The following CLPB variants were observed in gnomAD, a reference collection of about 807,000 sequenced individuals.
CLPB encodes the protein ClpB family mitochondrial disaggregase, also known as mitochondrial disaggregase.
Under a neutral mutation model 78.4 loss-of-function variants are expected in CLPB, and 40 were observed. That is an observed-to-expected ratio of 0.51 (90% CI 0.40 to 0.66). The LOEUF (loss-of-function observed/expected upper bound fraction) is 0.66, where lower values mean the gene tolerates loss of function less well. Ranked by LOEUF, CLPB falls within the 30% of genes least tolerant of loss-of-function variation. The pLI is 0.00. For synonymous variants in CLPB, 333 were observed against 348.0 expected, an observed-to-expected ratio of 0.96 and a Z score of 0.48; for missense variants, 780 against 886.9, an observed-to-expected ratio of 0.88 and a Z score of 1.53.
chr11:72,318,831 C>T (rs1032251753), intron 6 of CLPB, among the ~76,000 whole-genome samples: 5 of 152,212 alleles, frequency 3.3e-5, no homozygotes, highest in Admixed American at 3.3e-4. Flanking sequence ...CACTGTGCAG[C>T]TCCCTCAGGC....
intron 4 of CLPB, among the ~76,000 whole-genome samples, chr11:72,363,089 G>A (rs1418654037): frequency 6.6e-6 from 1 of 151,990 alleles, no homozygotes; most frequent in Non-Finnish European, 1.5e-5. Flanking sequence ...CAGGAAGGCA[G>A]AGGTTGCAGT....
Position 72,330,618 on chromosome 11 carries a change from T to C in CLPB, c.776-814A>G, listed in dbSNP as rs116332026. 7.2e-3 allele frequency among the ~76,000 whole-genome samples: 1,099 copies of C among 152,278 alleles called. 7 individuals carry two copies. The highest frequency in any genetic ancestry group is 0.026 in the African/African-American group (1,060 of 41,556). On this transcript the variant is annotated intron_variant, in intron 5 of 15. Coordinates refer to ENST00000538039, the MANE Select transcript of CLPB (RefSeq NM_001258392.3). The stretch of plus-strand genomic sequence containing the variant: ...CAAAGCCCATGTGTAAGCACCTCAC[T>C]CTCTTCTTCGAAAACCATCCATTCC...
At chr11:72,339,502 G>A (rs1477998648) in intron 5 of CLPB, among the ~76,000 whole-genome samples, 1 of 152,212 alleles carries the variant, frequency 6.6e-6, no homozygotes, top group Non-Finnish European at 1.5e-5. Context: ...GCAGCCTCAA[G>A]AGCAACTGAG....
intron 2 of CLPB, among the ~76,000 whole-genome samples, chr11:72,409,927 G>A (rs1855826611): frequency 6.6e-6 from 1 of 151,796 alleles, no homozygotes; most frequent in African/African-American, 2.4e-5. Flanking sequence ...CAGTGAGCCG[G>A]GATTGTGCCA....
At chr11:72,415,730 G>A (rs970617214) in intron 2 of CLPB, among the ~76,000 whole-genome samples, 1 of 152,160 alleles carries the variant, frequency 6.6e-6, no homozygotes, top group African/African-American at 2.4e-5. Context: ...AGGCTGGGCC[G>A]ATTACAAGCT....
chr11:72,365,384 A>G (rs949996929), intron 4 of CLPB, among the ~76,000 whole-genome samples: 1 of 152,240 alleles, frequency 6.6e-6, no homozygotes, highest in African/African-American at 2.4e-5. Flanking sequence ...ATGGAGACAG[A>G]AAGTAAATTA....
At chr11:72,322,790 G>A (rs1950066924) in intron 6 of CLPB, among the ~76,000 whole-genome samples, 1 of 152,202 alleles carries the variant, frequency 6.6e-6, no homozygotes, top group African/African-American at 2.4e-5. Context: ...AGTATCTTGT[G>A]GGGAGAGACT....
chr11:72,335,534 T>C (rs1332358831), intron 5 of CLPB, among the ~76,000 whole-genome samples: 1 of 152,146 alleles, frequency 6.6e-6, no homozygotes, highest in East Asian at 1.9e-4. Context: ...TCCATCTTGG[T>C]TCTGAAAACA....
intron 1 of CLPB, chr11:72,430,610 T>G (rs1033251480): frequency 2.0e-6 from 1 of 509,580 alleles, no homozygotes; most frequent in East Asian, 3.6e-5. Flanking sequence ...ATAGAGGGAA[T>G]GCAGGTCAAC....
chr11:72,317,263 T>C (rs1000222564), intron 6 of CLPB, 43 bp from the exon 7 acceptor site: 9 of 1,399,280 alleles, frequency 6.4e-6, no homozygotes, highest in African/African-American at 4.3e-5. Flanking sequence ...GCCGGGCCCA[T>C]AGCACCATAG....
intron 3 of CLPB, among the ~76,000 whole-genome samples, chr11:72,388,832 A>G (rs984260302): frequency 5.3e-5 from 8 of 152,222 alleles, no homozygotes; most frequent in Non-Finnish European, 8.8e-5. Context: ...CCTCACTGAA[A>G]CTATAGCATA....
At chr11:72,433,783 T>G (rs1052072456) in intron 1 of CLPB, among the ~76,000 whole-genome samples, 1 of 151,876 alleles carries the variant, frequency 6.6e-6, no homozygotes, top group Non-Finnish European at 1.5e-5. Flanking sequence ...ATGAGAAACA[T>G]AAGGGGACCA....
chr11:72,334,906 G>A (rs1211510781), intron 5 of CLPB, among the ~76,000 whole-genome samples: 1 of 152,264 alleles, frequency 6.6e-6, no homozygotes, highest in African/African-American at 2.4e-5. Context: ...ATAAATAGCA[G>A]ACTGGCTTCC....
intron 5 of CLPB, among the ~76,000 whole-genome samples, chr11:72,341,102 G>A (rs889489571): frequency 6.6e-6 from 1 of 152,212 alleles, no homozygotes; most frequent in African/African-American, 2.4e-5. Flanking sequence ...TTACAGGCGT[G>A]AGCCACCGCG....
intron 11 of CLPB, among the ~76,000 whole-genome samples, 189 bp from the exon 12 acceptor site, chr11:72,295,837 C>T (rs538674709): frequency 3.2e-4 from 49 of 152,332 alleles, no homozygotes; most frequent in African/African-American, 5.1e-4. Flanking sequence ...CTGTGCTCAC[C>T]GCCCTGCGCT....
intron 2 of CLPB, among the ~76,000 whole-genome samples, chr11:72,407,139 C>T (rs1855734110): frequency 6.6e-6 from 1 of 152,200 alleles, no homozygotes; most frequent in Non-Finnish European, 1.5e-5. Context: ...TCTCCTATGT[C>T]CCCTTTTGGA....
intron 4 of CLPB, among the ~76,000 whole-genome samples, chr11:72,373,646 C>T (rs920109238): frequency 6.6e-6 from 1 of 152,150 alleles, no homozygotes; most frequent in Non-Finnish European, 1.5e-5. Context: ...TCAAATCCCA[C>T]TTCTTTCAAG....
At position 72,292,635 on chromosome 11, in the gene CLPB, C is replaced by T; in HGVS notation, c.*732G>A. The T allele has an allele frequency of 6.6e-6, 1 of 152,330 alleles. No individual in the cohort carries two copies. The highest frequency in any genetic ancestry group is 1.5e-5 in the Non-Finnish European group (1 of 68,116). The allele number at this position is 152,330 out of a possible 1,614,324, so 9.4% of individuals were successfully genotyped here. ...GCTGAGCTTGCTTGGTTATCTGGGA[C>T]TGCTGCTCAGTCTGAGTAGGGGAGG... On this transcript the variant is annotated 3_prime_UTR_variant, in exon 16 of 16. Coordinates refer to ENST00000538039, the MANE Select transcript of CLPB (RefSeq NM_001258392.3).
chr11:72,406,832 G>C (rs1260708628), intron 2 of CLPB, among the ~76,000 whole-genome samples: 2 of 152,126 alleles, frequency 1.3e-5, no homozygotes, highest in African/African-American at 4.8e-5. Context: ...CCTGAGCCAG[G>C]CAAGATCTAT....
Sources: allele counts gnomAD v4.1 joint callset (sites outside exome capture counted in the v4.1 genomes callset), GRCh38; gene constraint gnomAD v4.1.1; transcripts MANE v1.5; gene names NCBI Gene and HGNC (gene_info 2026-07-23, HGNC 2026-07-21).